Variants in DLGAP1 observed in about 807,000 individuals in gnomAD.
DLGAP1 encodes the protein DLG associated protein 1.
Under a neutral mutation model 90.8 loss-of-function variants are expected in DLGAP1, and 11 were observed. The observed-to-expected ratio is 0.12, with a 90% confidence interval of 0.08 to 0.20. The LOEUF is 0.20. DLGAP1 is among the 10% of genes least tolerant of loss of function. DLGAP1 has a pLI of 1.00. For missense variants in DLGAP1, 1,050 were observed against 1,333.8 expected (o/e 0.79, Z 3.31); for synonymous variants, 558 against 540.7 (o/e 1.03, Z -0.44).
chr18:3,726,568 G>A (rs1236151188), intron 7 of DLGAP1, among the ~76,000 whole-genome samples: 1 of 152,140 alleles, frequency 6.6e-6, no homozygotes, highest in Non-Finnish European at 1.5e-5. Flanking sequence ...ACAAATCCAT[G>A]TCACAGAGAA....
At chr18:3,531,293 T>C (rs1303159438) in intron 10 of DLGAP1, among the ~76,000 whole-genome samples, 2 of 151,794 alleles carry the variant, frequency 1.3e-5, no homozygotes, top group Non-Finnish European at 1.5e-5. Context: ...AAAAATTAGC[T>C]TGGCATGGTG....
intron 7 of DLGAP1, among the ~76,000 whole-genome samples, chr18:3,628,578 C>G (rs1020196850): frequency 6.6e-6 from 1 of 152,132 alleles, no homozygotes; most frequent in African/African-American, 2.4e-5. Context: ...TTCACATTCC[C>G]CGTGCATCTT....
rs188926588 is a variant in DLGAP1, at chr18:4,064,710, A to G, written c.-158-59509T>C. Reference sequence around the variant, plus strand: ...CTGAAGTAGTAATAAATAGCCTACCAATAAAAAAAAGCCCAGGACTGGATG... The same window carrying G: ...CTGAAGTAGTAATAAATAGCCTACCGATAAAAAAAAGCCCAGGACTGGATG... On this transcript the variant is annotated intron_variant, in intron 2 of 12. Transcript: ENST00000315677. Among the ~76,000 whole-genome samples, 5 of 152,168 alleles carry G rather than the reference A, an allele frequency of 3.3e-5. No homozygotes were observed. The East Asian group carries it at 7.7e-4, about 23-fold the overall frequency.
At position 4,342,185 on chromosome 18, in the gene DLGAP1, C is replaced by T. The variant is rs2081205174; in HGVS notation, c.-267+112821G>A. Among the ~76,000 whole-genome samples the T allele has an allele frequency of 6.6e-6, 1 of 152,112 alleles. No homozygotes were observed. Among genetic ancestry groups the T allele is most frequent in the Admixed American group, 6.5e-5 (1 of 15,274 alleles). ...GACTCAAAGTGGTAGTCTCTTCTGA[C>T]ACCCAGTTTGGCAGTAGGGTGTTTC... On this transcript the variant is annotated intron_variant, in intron 1 of 12. Coordinates refer to ENST00000315677, the MANE Select transcript of DLGAP1 (RefSeq NM_004746.4). The surrounding 1 kb of genome is among the most constrained non-coding windows in gnomAD (Gnocchi z 5.8).
chr18:4,179,362 A>AAATGC (rs137975721), intron 1 of DLGAP1, among the ~76,000 whole-genome samples: 3,239 of 152,304 alleles, frequency 0.021, 67 homozygotes, highest in Middle Eastern at 0.068. Flanking sequence ...TCATAGGCAG[A>AAATGC]AATGCTCCCT....
chr18:3,631,517 G>A (rs2058523134), intron 7 of DLGAP1, among the ~76,000 whole-genome samples: 1 of 152,126 alleles, frequency 6.6e-6, no homozygotes, highest in Admixed American at 6.6e-5. Flanking sequence ...GGAAGCTGAG[G>A]CAGGAGGATC....
intron 1 of DLGAP1, among the ~76,000 whole-genome samples, chr18:4,164,902 C>T (rs911603759): frequency 6.6e-6 from 1 of 151,966 alleles, no homozygotes; most frequent in African/African-American, 2.4e-5. Flanking sequence ...GATAACAGAA[C>T]ACAGAATCGA....
chr18:4,029,208 G>A, intron 2 of DLGAP1, among the ~76,000 whole-genome samples: 1 of 152,050 alleles, frequency 6.6e-6, no homozygotes, highest in East Asian at 1.9e-4. Context: ...AGGCTGAATG[G>A]TATTCCCTAT....
intron 1 of DLGAP1, among the ~76,000 whole-genome samples, chr18:4,288,223 G>T (rs571626452): frequency 6.6e-6 from 1 of 152,142 alleles, no homozygotes; most frequent in Non-Finnish European, 1.5e-5. Flanking sequence ...TAAGGCAGAT[G>T]AGGTTTCATT....
At chr18:4,411,847 G>T (rs1252715404) in intron 1 of DLGAP1, among the ~76,000 whole-genome samples, 1 of 152,158 alleles carries the variant, frequency 6.6e-6, no homozygotes, top group Non-Finnish European at 1.5e-5. Context: ...AGGAGAAAGA[G>T]AAATCTGCCA....
At chr18:4,108,660 A>C (rs1457676486) in intron 2 of DLGAP1, among the ~76,000 whole-genome samples, 2 of 152,218 alleles carry the variant, frequency 1.3e-5, no homozygotes, top group Non-Finnish European at 2.9e-5. Flanking sequence ...TGTTATATGA[A>C]AATGATTTCA....
At position 3,775,350 on chromosome 18, in the gene DLGAP1, G is replaced by T. The variant is rs1037988402; in HGVS notation, c.1173-32838C>A. Among the ~76,000 whole-genome samples the T allele has an allele frequency of 2.0e-5, 3 of 152,200 alleles. No homozygotes were observed. The highest frequency in any genetic ancestry group is 2.9e-5 in the Non-Finnish European group (2 of 68,044). The stretch of plus-strand genomic sequence containing the variant: ...CGGAAGGGCCTGGTGGGAGGTGACT[G>T]AATCATGGGGGCAGACTTCCCTCTT... On this transcript the variant is annotated intron_variant, in intron 5 of 12. Transcript: ENST00000315677. This position sits in a 1 kb window ranked among gnomAD's most constrained non-coding sequence, Gnocchi z 4.9.
intron 4 of DLGAP1, chr18:3,845,254 A>G (rs759996692): frequency 6.2e-7 from 1 of 1,613,124 alleles, no homozygotes; most frequent in Admixed American, 1.7e-5. Context: ...AATGCCAAAC[A>G]GAATGTCTTT....
chr18:4,223,706 C>T (rs2078127333), intron 1 of DLGAP1, among the ~76,000 whole-genome samples: 1 of 152,092 alleles, frequency 6.6e-6, no homozygotes. Context: ...ATTTCCTTGT[C>T]AGAAATGCAA....
At chr18:3,628,268 T>C (rs182765542) in intron 7 of DLGAP1, among the ~76,000 whole-genome samples, 6 of 151,036 alleles carry the variant, frequency 4.0e-5, no homozygotes, top group South Asian at 2.1e-4. Flanking sequence ...TGGCTCGCTG[T>C]AACCTCTGCC....
At chr18:3,527,157 C>T (rs1202422487) in intron 10 of DLGAP1, among the ~76,000 whole-genome samples, 2 of 152,168 alleles carry the variant, frequency 1.3e-5, no homozygotes, top group East Asian at 1.9e-4. Flanking sequence ...TGCTTGTTTT[C>T]GGTCTGCCTT....
intron 2 of DLGAP1, among the ~76,000 whole-genome samples, chr18:4,097,521 C>T (rs1381078009): frequency 6.6e-6 from 1 of 152,204 alleles, no homozygotes; most frequent in Non-Finnish European, 1.5e-5. Context: ...TTCCCTTCTG[C>T]CTCCAGACAC....
At chr18:3,675,411 C>T (rs1286409725) in intron 7 of DLGAP1, among the ~76,000 whole-genome samples, 1 of 152,190 alleles carries the variant, frequency 6.6e-6, no homozygotes, top group Non-Finnish European at 1.5e-5. Flanking sequence ...CTCATTCCAT[C>T]TCTACAACAC....
chr18:3,761,039 C>CT (rs1453231794), intron 5 of DLGAP1, among the ~76,000 whole-genome samples: 2 of 152,204 alleles, frequency 1.3e-5, no homozygotes, highest in African/African-American at 4.8e-5. Context: ...AAACATCTGT[C>CT]TGTCTCTCTG....
Sources: allele counts gnomAD v4.1 joint callset (sites outside exome capture counted in the v4.1 genomes callset), GRCh38; gene constraint gnomAD v4.1.1; non-coding constraint Gnocchi (gnomAD v3.1); transcripts MANE v1.5; gene names NCBI Gene and HGNC (gene_info 2026-07-23, HGNC 2026-07-21).